OXNAD1: variants seen among roughly 807,000 people sequenced by gnomAD.
OXNAD1 encodes oxidoreductase NAD binding domain containing 1, also known as oxidoreductase NAD-binding domain-containing protein 1.
A neutral mutation model predicts 32.9 loss-of-function variants in OXNAD1; 34 were observed. That is an observed-to-expected ratio of 1.03 (90% CI 0.79 to 1.38). The LOEUF (loss-of-function observed/expected upper bound fraction) is 1.38. OXNAD1 is among the 40% of genes most tolerant of loss of function. The pLI is 0.00. For synonymous variants in OXNAD1, 134 were observed against 135.2 expected, an observed-to-expected ratio of 0.99 and a Z score of 0.06; for missense variants, 407 against 379.4, an observed-to-expected ratio of 1.07 and a Z score of -0.60.
chr3:16,294,663 T>C (rs934494340), intron 5 of OXNAD1, among the ~76,000 whole-genome samples, 193 bp from the exon 6 acceptor site: 2 of 152,254 alleles, frequency 1.3e-5, no homozygotes, highest in African/African-American at 4.8e-5. Flanking sequence ...TAGCTAATTT[T>C]TTGGCATATA....
downstream of OXNAD1, among the ~76,000 whole-genome samples, chr3:16,338,064 A>G (rs1265871829): frequency 6.6e-6 from 1 of 152,244 alleles, no homozygotes; most frequent in Non-Finnish European, 1.5e-5. The surrounding 1 kb of genome is among the most constrained non-coding windows in gnomAD (Gnocchi z 5.3). Flanking sequence ...AGCTGGCAAG[A>G]AAACCAAACC....
In OXNAD1 at chr3:16,265,250, C is replaced by T. The variant is rs2064404734; in HGVS notation, c.-414C>T. ...CTGCAACTAAACGTGGCCGGGTCTG[C>T]AAGCTAGGTGCCAGCGGGGAAAGTT... On this transcript the variant is annotated 5_prime_UTR_variant, in exon 1 of 9. Coordinates refer to ENST00000285083, the MANE Select transcript of OXNAD1 (RefSeq NM_138381.5). This position sits in a 1 kb window ranked among gnomAD's most constrained non-coding sequence, Gnocchi z 4.8. The T allele has an allele frequency of 4.1e-6, 1 of 244,330 alleles. No individual in the cohort carries two copies. The highest frequency in any genetic ancestry group is 2.2e-5 in the African/African-American group (1 of 44,662). 15.1% of individuals were successfully genotyped at this position (244,330 alleles called of 1,614,324 possible).
In OXNAD1 at chr3:16,312,850, C is replaced by T. The variant is rs1189439533; in HGVS notation, c.*30+9258C>T. ...AGTGAAGCATGGTCAACCTGGAGAT[C>T]TGAAAAAATCTGACAGGCATTTGAC... is the stretch of plus-strand genomic sequence containing the variant. On this transcript the variant is annotated intron_variant, in intron 9 of 9. Transcript: ENST00000435829. The surrounding 1 kb of genome is among the most constrained non-coding windows in gnomAD (Gnocchi z 4.7). Among the ~76,000 whole-genome samples, 1 of 151,774 alleles carries T rather than the reference C, an allele frequency of 6.6e-6. No homozygotes were observed. The highest frequency in any genetic ancestry group is 1.5e-5 in the Non-Finnish European group (1 of 67,848).
intron 4 of OXNAD1, among the ~76,000 whole-genome samples, chr3:16,273,926 A>G (rs2065141871): frequency 6.6e-6 from 1 of 151,146 alleles, no homozygotes; most frequent in African/African-American, 2.4e-5. Context: ...AAAGACCTTT[A>G]TCTCCCTAAG....
In OXNAD1 at chr3:16,286,252, T is replaced by C. The variant is rs1233506552; in HGVS notation, c.184-90T>C. On this transcript the variant is annotated intron_variant, in intron 4 of 8. Transcript: ENST00000285083. Reference sequence around the variant, plus strand: ...TTTTCAAAAACCACATCTTTGTAGGTTTCAAAAACCTTAGTTCTCAGGATG... The same window carrying C: ...TTTTCAAAAACCACATCTTTGTAGGCTTCAAAAACCTTAGTTCTCAGGATG... 42 of 1,019,732 alleles carry C rather than the reference T, an allele frequency of 4.1e-5. 2 individuals carry two copies. The South Asian group carries it at 5.8e-4, about 14-fold the overall frequency. 63.2% of individuals were successfully genotyped at this position (1,019,732 alleles called of 1,614,324 possible).
chr3:16,321,595 C>G lies in OXNAD1; in HGVS notation c.*31-15517C>G, dbSNP rs375862771. Among the ~76,000 whole-genome samples the G allele has an allele frequency of 6.6e-6, 1 of 152,164 alleles. No homozygotes were observed. Among genetic ancestry groups the G allele is most frequent in the African/African-American group, 2.4e-5 (1 of 41,416 alleles). ...AGGAGTCTGGCTGTGAAGCCCCCCT[C>G]TCTGGAGGACTCCCATCTGTGAGGT... On this transcript the variant is annotated intron_variant, in intron 9 of 9. Transcript: ENST00000435829. The surrounding 1 kb of genome is among the most constrained non-coding windows in gnomAD (Gnocchi z 4.8).
At chr3:16,267,354 T>C (rs1405335587) in intron 1 of OXNAD1, among the ~76,000 whole-genome samples, 1 of 152,242 alleles carries the variant, frequency 6.6e-6, no homozygotes, top group East Asian at 1.9e-4. Context: ...GGTCTTGTCC[T>C]TCTCCTGATT....
downstream of OXNAD1, among the ~76,000 whole-genome samples, chr3:16,307,062 A>G (rs548967628): frequency 5.3e-5 from 8 of 152,304 alleles, no homozygotes; most frequent in South Asian, 1.2e-3. Context: ...TTCCCTCATC[A>G]GCTTTGATTC....
At position 16,345,328 on chromosome 3, in the gene OXNAD1, A is replaced by G. The variant is rs2071580188; in HGVS notation, c.*31-3848A>G. Reference sequence around the variant, plus strand: ...TAAAGCTGTTATAGAATTATCTCCCACTTTTTTATCTCAAACACATTGGGA... The same window carrying G: ...TAAAGCTGTTATAGAATTATCTCCCGCTTTTTTATCTCAAACACATTGGGA... On this transcript the variant is annotated intron_variant, in intron 9 of 9. Transcript: ENST00000606098. The surrounding 1 kb of genome is among the most constrained non-coding windows in gnomAD (Gnocchi z 5.2). 1 of 145,820 alleles carries G rather than the reference A, an allele frequency of 6.9e-6. No individual in the cohort carries two copies. Among genetic ancestry groups the G allele is most frequent in the African/African-American group, 2.7e-5 (1 of 36,724 alleles). The allele number at this position is 145,820 out of a possible 1,614,324, so 9.0% of individuals were successfully genotyped here. A position where few individuals can be genotyped will look rare whatever the true frequency, so the allele number is the denominator to read the frequency against.
At chr3:16,319,278 G>C (rs976389312) in intron 9 of OXNAD1, among the ~76,000 whole-genome samples, 3 of 152,218 alleles carry the variant, frequency 2.0e-5, no homozygotes, top group Non-Finnish European at 4.4e-5. Flanking sequence ...GTCAGAGGAA[G>C]TTTTACTGTT....
Position 16,271,207 on chromosome 3 carries a change from C to T in OXNAD1, c.119+136C>T, listed in dbSNP as rs1050577624. ...AATGTGCATGCTGTCAGGTTGTTAA[C>T]CGTTTTTTTTGTCTGAGATGGAGTC... On this transcript the variant is annotated intron_variant, in intron 3 of 8. Transcript: ENST00000285083. The surrounding 1 kb of genome is among the most constrained non-coding windows in gnomAD (Gnocchi z 4.6). 13 of 1,079,254 alleles carry T rather than the reference C, an allele frequency of 1.2e-5. No individual in the cohort carries two copies. The African/African-American group carries it at 3.6e-4, about 30-fold the overall frequency. 66.9% of individuals were successfully genotyped at this position (1,079,254 alleles called of 1,614,324 possible). A position where few individuals can be genotyped will look rare whatever the true frequency, so the allele number is the denominator to read the frequency against.
At chr3:16,274,217 C>T (rs1412670148) in intron 4 of OXNAD1, among the ~76,000 whole-genome samples, 3 of 147,070 alleles carry the variant, frequency 2.0e-5, no homozygotes, top group Non-Finnish European at 4.5e-5. Context: ...CTAAAATATA[C>T]TTAAATATAT....
intron 4 of OXNAD1, chr3:16,276,202 G>A: frequency 4.5e-6 from 1 of 223,464 alleles, no homozygotes; most frequent in Non-Finnish European, 8.8e-6. Context: ...CACCAAGGCA[G>A]ATGAATCAAG....
chr3:16,281,761 T>G (rs774609107), intron 4 of OXNAD1, among the ~76,000 whole-genome samples: 2 of 152,156 alleles, frequency 1.3e-5, no homozygotes, highest in Non-Finnish European at 2.9e-5. Context: ...GAAATTCTTT[T>G]CCCTATCTAG....
At chr3:16,333,144 T>G (rs1475100371) in intron 9 of OXNAD1, among the ~76,000 whole-genome samples, 3 of 152,220 alleles carry the variant, frequency 2.0e-5, no homozygotes, top group African/African-American at 4.8e-5. Context: ...TTAGGAACAC[T>G]AGGCAACAGT....
In OXNAD1 at chr3:16,314,448, G is replaced by A. The variant is rs1032792012; in HGVS notation, c.*30+10856G>A. 1.3e-5 allele frequency: 2 copies of A among 152,168 alleles called. No individual in the cohort carries two copies. The highest frequency in any genetic ancestry group is 6.5e-5 in the Admixed American group (1 of 15,276). 9.4% of individuals were successfully genotyped at this position (152,168 alleles called of 1,614,324 possible). A position where few individuals can be genotyped will look rare whatever the true frequency, so the allele number is the denominator to read the frequency against. Reference sequence around the variant, plus strand: ...TGGCTGCACCTAGAGTCCTCTGGGAGCTTTTAAAAATCCTGATGCCCACGC... The same window carrying A: ...TGGCTGCACCTAGAGTCCTCTGGGAACTTTTAAAAATCCTGATGCCCACGC... On this transcript the variant is annotated intron_variant, in intron 9 of 9. Coordinates refer to the OXNAD1 transcript ENST00000435829. The surrounding 1 kb of genome is among the most constrained non-coding windows in gnomAD (Gnocchi z 4.4).
intron 5 of OXNAD1, 97 bp from the exon 6 acceptor site, chr3:16,294,759 T>C: frequency 8.4e-7 from 1 of 1,192,924 alleles, no homozygotes; most frequent in Non-Finnish European, 1.2e-6. Context: ...TTTTAGTAAT[T>C]TTTTTTCATA....
intron 4 of OXNAD1, chr3:16,272,228 A>AT: frequency 2.3e-6 from 1 of 432,882 alleles, no homozygotes; most frequent in Non-Finnish European, 4.6e-6. Context: ...TAATGTACAG[A>AT]TTTTTTCCAC....
chr3:16,286,279 C>T, intron 4 of OXNAD1, 63 bp from the exon 5 acceptor site: 2 of 1,274,926 alleles, frequency 1.6e-6, no homozygotes, highest in Admixed American at 1.8e-5. Flanking sequence ...CTCAGGATGC[C>T]ACCATTTGTC....
Sources: allele counts gnomAD v4.1 joint callset (sites outside exome capture counted in the v4.1 genomes callset), GRCh38; gene constraint gnomAD v4.1.1; non-coding constraint Gnocchi (gnomAD v3.1); transcripts MANE v1.5; gene names NCBI Gene and HGNC (gene_info 2026-07-23, HGNC 2026-07-21).